The following SH3GL3 variants were observed in gnomAD, a reference collection of about 807,000 sequenced individuals.
The protein encoded by SH3GL3 is SH3 domain containing GRB2 like 3, endophilin A3, also known as endophilin-A3.
SH3GL3 carries 33 observed loss-of-function variants against 47.7 expected under a neutral mutation model. That is an observed-to-expected ratio of 0.69 (90% confidence interval 0.52 to 0.92). The LOEUF (loss-of-function observed/expected upper bound fraction) is 0.92. Ranked by LOEUF, SH3GL3 falls within the 40% of genes least tolerant of loss-of-function variation. SH3GL3 has a pLI of 0.00. For synonymous variants in SH3GL3, 155 were observed against 148.8 expected (o/e 1.04, Z -0.30); for missense variants, 363 against 417.8 (o/e 0.87, Z 1.14).
intron 1 of SH3GL3, among the ~76,000 whole-genome samples, chr15:83,525,337 T>C (rs1288679366): frequency 1.5e-5 from 2 of 136,022 alleles, no homozygotes; most frequent in African/African-American, 5.6e-5. Context: ...CTATTTTAAA[T>C]GAGATTCTTT....
chr15:83,467,984 C>A (rs972679367), intron 1 of SH3GL3, among the ~76,000 whole-genome samples: 2 of 152,068 alleles, frequency 1.3e-5, no homozygotes, highest in East Asian at 1.9e-4. Flanking sequence ...CCCGCCACCA[C>A]GCCCAGCTAA....
intron 1 of SH3GL3, among the ~76,000 whole-genome samples, chr15:83,463,767 C>CTTTTTTTTT (rs910419812): frequency 7.3e-5 from 9 of 122,918 alleles, no homozygotes; most frequent in African/African-American, 1.9e-4. Flanking sequence ...TTCTTTCTTT[C>CTTTTTTTTT]TTTTTTTTTT....
chr15:83,514,802 G>C (rs887083405), intron 1 of SH3GL3, among the ~76,000 whole-genome samples: 1 of 152,068 alleles, frequency 6.6e-6, no homozygotes, highest in Non-Finnish European at 1.5e-5. Flanking sequence ...CCTCTTATTC[G>C]CAGCTGTCAT....
At chr15:83,620,330 T>A (rs113773156), downstream of SH3GL3, among the ~76,000 whole-genome samples, 1,920 of 152,340 alleles carry the variant, frequency 0.013, 41 homozygotes, top group African/African-American at 0.04. Context: ...CCAGAAGGTT[T>A]TCACTTTACT....
intron 1 of SH3GL3, among the ~76,000 whole-genome samples, chr15:83,534,115 A>G (rs916266061): frequency 4.6e-5 from 7 of 152,034 alleles, no homozygotes; most frequent in Admixed American, 3.3e-4. Flanking sequence ...TTAGGAGGTG[A>G]TTAGGCCATG....
chr15:83,474,199 A>C (rs189473036), intron 1 of SH3GL3, among the ~76,000 whole-genome samples: 24 of 152,270 alleles, frequency 1.6e-4, no homozygotes, highest in Admixed American at 1.4e-3. Flanking sequence ...GTTTATCCCT[A>C]TGGTATCCCA....
intron 1 of SH3GL3, among the ~76,000 whole-genome samples, chr15:83,481,214 T>C (rs1027118111): frequency 6.6e-6 from 1 of 151,118 alleles, no homozygotes; most frequent in African/African-American, 2.4e-5. Flanking sequence ...GGCGGAGGTT[T>C]CTGTGAGCCG....
chr15:83,575,800 C>A (rs866982271), intron 5 of SH3GL3, among the ~76,000 whole-genome samples: 3 of 152,226 alleles, frequency 2.0e-5, no homozygotes, highest in Middle Eastern at 3.4e-3. Flanking sequence ...ACTTTCGATG[C>A]CTGGTATCTG....
intron 1 of SH3GL3, among the ~76,000 whole-genome samples, chr15:83,540,588 A>C (rs542944426): frequency 1.3e-5 from 2 of 152,186 alleles, no homozygotes; most frequent in East Asian, 3.9e-4. Flanking sequence ...ATAGATTCTA[A>C]AGGTTTTTAT....
intron 1 of SH3GL3, among the ~76,000 whole-genome samples, chr15:83,526,090 G>A (rs947730569): frequency 6.6e-6 from 1 of 152,132 alleles, no homozygotes; most frequent in African/African-American, 2.4e-5. Flanking sequence ...GGATTGCACT[G>A]AATATGTAGA....
At position 83,448,323 on chromosome 15, in the gene SH3GL3, G is replaced by C. The variant is rs940769077; in HGVS notation, c.45+745G>C. ...CGTCAGGGAGAGCTTCCCGGAGGAG[G>C]AGACATGTCATTTGAGAATTAAGTA... On this transcript the variant is annotated intron_variant, in intron 1 of 8. Coordinates refer to ENST00000427482, the MANE Select transcript of SH3GL3 (RefSeq NM_003027.5). This position sits in a 1 kb window ranked among gnomAD's most constrained non-coding sequence, Gnocchi z 4.2. Among the ~76,000 whole-genome samples, 2 of 152,136 alleles carry C rather than the reference G, an allele frequency of 1.3e-5. No homozygotes were observed. The highest frequency in any genetic ancestry group is 6.5e-5 in the Admixed American group (1 of 15,286).
intron 8 of SH3GL3, 74 bp from the exon 9 acceptor site, chr15:83,618,008 T>C (rs2060873719): frequency 9.7e-7 from 1 of 1,036,216 alleles, no homozygotes; most frequent in Admixed American, 1.8e-5. Flanking sequence ...CTCTGAGCTT[T>C]TCCACATTTC....
intron 1 of SH3GL3, among the ~76,000 whole-genome samples, chr15:83,505,323 G>C (rs2042453388): frequency 6.6e-6 from 1 of 151,818 alleles, no homozygotes; most frequent in Non-Finnish European, 1.5e-5. Context: ...ATCAAATAAT[G>C]CCAGATTATA....
At chr15:83,556,109 G>C (rs1254454851) in intron 1 of SH3GL3, among the ~76,000 whole-genome samples, 1 of 152,200 alleles carries the variant, frequency 6.6e-6, no homozygotes, top group Non-Finnish European at 1.5e-5. Flanking sequence ...TTTATATTTA[G>C]CTTCCAGCAC....
chr15:83,537,253 C>T (rs1236590603), intron 1 of SH3GL3, among the ~76,000 whole-genome samples: 1 of 151,952 alleles, frequency 6.6e-6, no homozygotes, highest in Non-Finnish European at 1.5e-5. Flanking sequence ...TCTCAGATCT[C>T]CACATCCACT....
At chr15:83,481,705 T>A (rs942461383) in intron 1 of SH3GL3, among the ~76,000 whole-genome samples, 2 of 152,242 alleles carry the variant, frequency 1.3e-5, no homozygotes, top group Admixed American at 1.3e-4. Flanking sequence ...AAAGGATTGA[T>A]CGTTTTTTTC....
At chr15:83,513,441 T>G (rs2042853411) in intron 1 of SH3GL3, among the ~76,000 whole-genome samples, 1 of 152,230 alleles carries the variant, frequency 6.6e-6, no homozygotes, top group Non-Finnish European at 1.5e-5. Context: ...TGTGTCACCC[T>G]CTGTCCCTAG....
chr15:83,504,362 C>T (rs1043590505), intron 1 of SH3GL3, among the ~76,000 whole-genome samples: 1 of 152,196 alleles, frequency 6.6e-6, no homozygotes, highest in Admixed American at 6.5e-5. Context: ...CACAGATGGC[C>T]CCCAGTGATT....
At chr15:83,543,508 G>A (rs1038220441) in intron 1 of SH3GL3, among the ~76,000 whole-genome samples, 2 of 151,954 alleles carry the variant, frequency 1.3e-5, no homozygotes, top group African/African-American at 4.8e-5. Flanking sequence ...GGTAATACTG[G>A]CCTCATAGAA....
Sources: gnomAD v4.1 joint callset for allele counts (sites outside exome capture counted in the v4.1 genomes callset) on GRCh38, gnomAD v4.1.1 for gene constraint, Gnocchi (gnomAD v3.1) non-coding constraint, MANE v1.5 for transcripts, NCBI Gene and HGNC (gene_info 2026-07-23, HGNC 2026-07-21) for gene names.